CACNG2: variants seen among roughly 807,000 people sequenced by gnomAD.
CACNG2 encodes voltage-dependent calcium channel gamma-2 subunit.
CACNG2 carries 3 observed loss-of-function variants against 25.9 expected under a neutral mutation model. That is an observed-to-expected ratio of 0.12 (90% CI 0.05 to 0.30). The LOEUF is 0.30. CACNG2 is among the 10% of genes least tolerant of loss of function. CACNG2 has a pLI of 1.00. For synonymous variants in CACNG2, 167 were observed against 173.3 expected, an observed-to-expected ratio of 0.96 and a Z score of 0.29; for missense variants, 341 against 432.5, an observed-to-expected ratio of 0.79 and a Z score of 1.88.
Position 36,702,824 on chromosome 22 carries a change from C to A in CACNG2, c.-248G>T. 3 of 361,354 alleles carry A rather than the reference C, an allele frequency of 8.3e-6. No homozygotes were observed. Among genetic ancestry groups the A allele is most frequent in the Non-Finnish European group, 9.7e-6 (2 of 205,604 alleles). The allele number at this position is 361,354 out of a possible 1,614,324, so 22.4% of individuals were successfully genotyped here. On this transcript the variant is annotated 5_prime_UTR_variant, in exon 1 of 4. Coordinates refer to ENST00000300105, the MANE Select transcript of CACNG2 (RefSeq NM_006078.5). ...TTGCCTTTTGAGATCAGAAACTGTTCCAGTTGCAGTGTTTTTTTTTTAAAA... is the reference window on the plus strand; with the variant it reads ...TTGCCTTTTGAGATCAGAAACTGTTACAGTTGCAGTGTTTTTTTTTTAAAA...
At chr22:36,642,778 G>A (rs997185319) in intron 1 of CACNG2, among the ~76,000 whole-genome samples, 1 of 152,210 alleles carries the variant, frequency 6.6e-6, no homozygotes, top group Non-Finnish European at 1.5e-5. Flanking sequence ...TGTAATCATG[G>A]ATAATTAGGA....
chr22:36,688,355 G>C (rs939259465), intron 1 of CACNG2, among the ~76,000 whole-genome samples: 1 of 151,866 alleles, frequency 6.6e-6, no homozygotes, highest in African/African-American at 2.4e-5. Flanking sequence ...GACCAGGCTT[G>C]ACAACACAGC....
At chr22:36,695,221 A>AAAAG (rs201671547) in intron 1 of CACNG2, among the ~76,000 whole-genome samples, 1 of 152,010 alleles carries the variant, frequency 6.6e-6, no homozygotes. Context: ...GTCTCTTAAA[A>AAAAG]AAAGAAAGAA....
At chr22:36,595,918 G>T (rs1314475792) in intron 1 of CACNG2, among the ~76,000 whole-genome samples, 1 of 152,240 alleles carries the variant, frequency 6.6e-6, no homozygotes. Flanking sequence ...ACCATGTCAG[G>T]CTGGGAATTG....
chr22:36,668,395 C>T (rs1409285952), intron 1 of CACNG2, among the ~76,000 whole-genome samples: 2 of 152,144 alleles, frequency 1.3e-5, no homozygotes, highest in African/African-American at 2.4e-5. Context: ...TTAGGGAGGC[C>T]GAGAAGTCCC....
At chr22:36,697,674 G>A (rs1339089154) in intron 1 of CACNG2, among the ~76,000 whole-genome samples, 2 of 152,186 alleles carry the variant, frequency 1.3e-5, no homozygotes, top group South Asian at 2.1e-4. Flanking sequence ...AGGAATGCAA[G>A]GCCTGGCTGT....
intron 2 of CACNG2, chr22:36,585,524 T>G (rs886494460): frequency 6.6e-6 from 1 of 152,252 alleles, no homozygotes; most frequent in African/African-American, 2.4e-5. Flanking sequence ...TGAAGCCTGC[T>G]GCCTGGTTGT....
At chr22:36,661,339 C>T (rs993834576) in intron 1 of CACNG2, among the ~76,000 whole-genome samples, 3 of 152,152 alleles carry the variant, frequency 2.0e-5, no homozygotes, top group African/African-American at 4.8e-5. Context: ...CTTCCTTAGT[C>T]GGAGATTACA....
At chr22:36,574,170 T>A (rs1254332060) in intron 2 of CACNG2, among the ~76,000 whole-genome samples, 1 of 152,148 alleles carries the variant, frequency 6.6e-6, no homozygotes, top group Non-Finnish European at 1.5e-5. Context: ...GGCAGGGCTG[T>A]CATGATCTGA....
chr22:36,637,470 G>A lies in CACNG2; in HGVS notation c.212-49922C>T, dbSNP rs564174666. On this transcript the variant is annotated intron_variant, in intron 1 of 3. Transcript: ENST00000300105. ...ATTCATTTTCTTTAAAAATGTTTAC[G>A]TAGGCAGTAGAGCCCAGTGATCAGG... Among the ~76,000 whole-genome samples the A allele has an allele frequency of 5.3e-5, 8 of 152,248 alleles. No individual in the cohort carries two copies. In the South Asian group the frequency reaches 6.2e-4, roughly 12 times the overall value.
At chr22:36,681,627 T>C (rs1335592549) in intron 1 of CACNG2, among the ~76,000 whole-genome samples, 2 of 152,242 alleles carry the variant, frequency 1.3e-5, no homozygotes, top group Non-Finnish European at 1.5e-5. Flanking sequence ...TTGTCTCTTG[T>C]CAAAACTCAT....
intron 1 of CACNG2, among the ~76,000 whole-genome samples, chr22:36,655,777 C>T (rs556660803): frequency 0.031 from 3,325 of 106,888 alleles, 149 homozygotes; most frequent in African/African-American, 0.13. Context: ...TCTTTCTTTC[C>T]TTCCTTCCTT....
At position 36,608,961 on chromosome 22, in the gene CACNG2, A is replaced by AAAATGTG. The variant is rs146968177; in HGVS notation, c.212-21420_212-21414dup. Among the ~76,000 whole-genome samples, 367 of 152,308 alleles carry AAAATGTG rather than the reference A, an allele frequency of 2.4e-3. 1 individual carries two copies. The highest frequency in any genetic ancestry group is 4.1e-3 in the Non-Finnish European group (276 of 68,022). On this transcript the variant is annotated intron_variant, in intron 1 of 3. Transcript: ENST00000300105. The stretch of plus-strand genomic sequence containing the variant: ...TATCAAATCTAGAAAAAGAATGAAT[A>AAAATGTG]AAATGTGACTCTCAGTGTTTCCAGG...
intron 1 of CACNG2, among the ~76,000 whole-genome samples, chr22:36,614,225 C>A (rs1360567443): frequency 2.0e-5 from 3 of 152,168 alleles, no homozygotes; most frequent in African/African-American, 7.2e-5. Flanking sequence ...ACCACGCTCT[C>A]TCCTATCTCT....
intron 1 of CACNG2, among the ~76,000 whole-genome samples, chr22:36,637,545 G>C (rs1259417319): frequency 6.6e-6 from 1 of 152,142 alleles, no homozygotes; most frequent in Non-Finnish European, 1.5e-5. Context: ...GCAAAGGGAG[G>C]TTGGGTTGTT....
intron 1 of CACNG2, among the ~76,000 whole-genome samples, chr22:36,657,145 C>T (rs1242818427): frequency 6.6e-6 from 1 of 152,188 alleles, no homozygotes; most frequent in Admixed American, 6.5e-5. Context: ...CTGATGTTTG[C>T]TAGGATTGTG....
chr22:36,701,078 GT>G (rs1415419640), intron 1 of CACNG2, among the ~76,000 whole-genome samples: 1 of 152,044 alleles, frequency 6.6e-6, no homozygotes, highest in Non-Finnish European at 1.5e-5. Flanking sequence ...CCATCTCCTA[GT>G]CTCAACTCCC....
chr22:36,632,469 C>CCT (rs131827), intron 1 of CACNG2, among the ~76,000 whole-genome samples: 350 of 145,724 alleles, frequency 2.4e-3, no homozygotes, highest in South Asian at 0.013. Flanking sequence ...TCTCTCCTCT[C>CCT]CTCTCTCTCT....
At chr22:36,688,421 T>C (rs1937228053) in intron 1 of CACNG2, among the ~76,000 whole-genome samples, 1 of 151,382 alleles carries the variant, frequency 6.6e-6, no homozygotes, top group Non-Finnish European at 1.5e-5. Context: ...ACACTTGTAG[T>C]CCCAGCTACT....
Sources: gnomAD v4.1 joint callset for allele counts (sites outside exome capture counted in the v4.1 genomes callset) on GRCh38, gnomAD v4.1.1 for gene constraint, MANE v1.5 for transcripts, NCBI Gene and HGNC (gene_info 2026-07-23, HGNC 2026-07-21) for gene names.